TRAPPC9: variants seen among roughly 807,000 people sequenced by gnomAD.
TRAPPC9 encodes the protein trafficking protein particle complex subunit 9.
Under a neutral mutation model 124.0 loss-of-function variants are expected in TRAPPC9, and 83 were observed. That is an observed-to-expected ratio of 0.67 (90% confidence interval 0.56 to 0.80). TRAPPC9 has a LOEUF of 0.80. Ranked by LOEUF, TRAPPC9 falls within the 30% of genes least tolerant of loss-of-function variation. The pLI is 0.00. For synonymous variants in TRAPPC9, 638 were observed against 617.5 expected, an observed-to-expected ratio of 1.03 and a Z score of -0.49; for missense variants, 1,302 against 1,508.3, an observed-to-expected ratio of 0.86 and a Z score of 2.27.
At chr8:139,733,450 G>T (rs1298419879) in intron 21 of TRAPPC9, among the ~76,000 whole-genome samples, 1 of 152,210 alleles carries the variant, frequency 6.6e-6, no homozygotes, top group African/African-American at 2.4e-5. Context: ...AAGATGTGGG[G>T]TGGGGGGCCC....
At chr8:140,438,156 C>A (rs567749287) in intron 3 of TRAPPC9, among the ~76,000 whole-genome samples, 2 of 152,150 alleles carry the variant, frequency 1.3e-5, no homozygotes, top group African/African-American at 4.8e-5. Context: ...TTAACTGTCA[C>A]TTCCCATTCC....
chr8:140,125,514 G>A (rs1216334220), intron 17 of TRAPPC9, among the ~76,000 whole-genome samples: 1 of 152,070 alleles, frequency 6.6e-6, no homozygotes, highest in East Asian at 1.9e-4. Flanking sequence ...GCAGCAAGGG[G>A]AAGGTGTGCA....
At chr8:140,127,743 T>A (rs867750756) in intron 17 of TRAPPC9, among the ~76,000 whole-genome samples, 4 of 152,254 alleles carry the variant, frequency 2.6e-5, no homozygotes, top group African/African-American at 9.6e-5. Flanking sequence ...AGGAAATAGC[T>A]ACCATATCCA....
chr8:140,261,073 G>A (rs531051224), intron 15 of TRAPPC9, among the ~76,000 whole-genome samples: 7 of 152,328 alleles, frequency 4.6e-5, no homozygotes, highest in Admixed American at 2.6e-4. Flanking sequence ...AAGACGCCCT[G>A]TCAGTACATG....
At chr8:140,302,200 T>C (rs1192866824) in intron 10 of TRAPPC9, among the ~76,000 whole-genome samples, 1 of 152,142 alleles carries the variant, frequency 6.6e-6, no homozygotes, top group Non-Finnish European at 1.5e-5. Flanking sequence ...CCGGGGAGCC[T>C]GCCACATGCG....
intron 19 of TRAPPC9, among the ~76,000 whole-genome samples, chr8:139,948,266 CACACACACA>C (rs1834401151): frequency 6.8e-6 from 1 of 147,044 alleles, no homozygotes; most frequent in African/African-American, 2.4e-5. Context: ...CACACACACA[CACACACACA>C]CACACACACA....
chr8:139,731,333 G>A, intron 22 of TRAPPC9, 105 bp from the exon 23 acceptor site: 1 of 1,380,838 alleles, frequency 7.2e-7, no homozygotes, highest in Non-Finnish European at 1.0e-6. Flanking sequence ...TATGGGGGAA[G>A]CGAGGGCCGC....
At chr8:139,942,936 T>C (rs994072509) in intron 19 of TRAPPC9, among the ~76,000 whole-genome samples, 2 of 152,180 alleles carry the variant, frequency 1.3e-5, no homozygotes, top group African/African-American at 2.4e-5. Context: ...GAGTCCAGAA[T>C]GTTGTACATA....
intron 17 of TRAPPC9, among the ~76,000 whole-genome samples, chr8:140,217,030 G>C (rs571786701): frequency 6.6e-6 from 1 of 152,132 alleles, no homozygotes; most frequent in South Asian, 2.1e-4. Flanking sequence ...CCCCCAACTC[G>C]AGGGCTCCTA....
chr8:139,814,331 CAG>C (rs1264645297), intron 21 of TRAPPC9, among the ~76,000 whole-genome samples: 1 of 152,200 alleles, frequency 6.6e-6, no homozygotes, highest in Non-Finnish European at 1.5e-5. Context: ...AAGCCAAAAA[CAG>C]TCACCGTCGC....
At chr8:140,269,713 T>C (rs1464147986) in intron 15 of TRAPPC9, among the ~76,000 whole-genome samples, 1 of 152,208 alleles carries the variant, frequency 6.6e-6, no homozygotes, top group Admixed American at 6.5e-5. Context: ...CTTTCAACTC[T>C]TCTGCATGGT....
At chr8:140,457,547 C>G in intron 1 of TRAPPC9, 92 bp downstream of exon 1, 3 of 950,920 alleles carry the variant, frequency 3.2e-6, no homozygotes, top group Non-Finnish European at 3.8e-6. Flanking sequence ...CGAGCCCCTC[C>G]GCGGGACGCG....
chr8:139,773,067 G>A (rs953036859), intron 21 of TRAPPC9, among the ~76,000 whole-genome samples: 5 of 152,230 alleles, frequency 3.3e-5, no homozygotes, highest in African/African-American at 1.2e-4. Context: ...CACAGTTTGT[G>A]CCCTGGGCCA....
chr8:140,293,197 T>C (rs1215290463), intron 11 of TRAPPC9, among the ~76,000 whole-genome samples: 8 of 148,852 alleles, frequency 5.4e-5, no homozygotes, highest in Admixed American at 1.3e-4. Context: ...ATGGCGATCA[T>C]TAAAAAGTCA....
intron 19 of TRAPPC9, among the ~76,000 whole-genome samples, chr8:139,964,334 G>A (rs1835556095): frequency 6.6e-6 from 1 of 151,982 alleles, no homozygotes; most frequent in Non-Finnish European, 1.5e-5. Context: ...ACTGACAGAT[G>A]GATGGTGGTC....
chr8:140,290,960 G>A, intron 12 of TRAPPC9, 33 bp downstream of exon 12: 1 of 1,576,428 alleles, frequency 6.3e-7, no homozygotes, highest in Non-Finnish European at 8.7e-7. Context: ...TTGTATGTTA[G>A]CCCAAAAAGG....
rs776155126 is a variant in TRAPPC9, at chr8:140,033,658, G to GT, written c.2557-9580dup. ...TTGAAATGCAACTCTTCATAATGTG[G>GT]TTTTTTTTTTTTTTTTTTTTTTTTT... On this transcript the variant is annotated intron_variant, in intron 17 of 22. Transcript: ENST00000438773. Among the ~76,000 whole-genome samples the GT allele has an allele frequency of 1.2e-3, 49 of 42,396 alleles. 9 individuals carry two copies. Among genetic ancestry groups the GT allele is most frequent in the Non-Finnish European group, 2.1e-3 (38 of 18,110 alleles). The allele number at this position is 42,396 out of a possible 152,430, so 27.8% of individuals were successfully genotyped here.
chr8:140,165,972 G>A (rs1414764240), intron 17 of TRAPPC9, among the ~76,000 whole-genome samples: 1 of 152,068 alleles, frequency 6.6e-6, no homozygotes, highest in Admixed American at 6.5e-5. Flanking sequence ...TGCCTCCCTC[G>A]ATGTCTGGAG....
chr8:140,255,003 G>C (rs1282813958), intron 15 of TRAPPC9, among the ~76,000 whole-genome samples: 2 of 152,204 alleles, frequency 1.3e-5, no homozygotes, highest in East Asian at 3.8e-4. Context: ...TCCAGAACAC[G>C]AGGACAAACT....
Sources: allele counts gnomAD v4.1 joint callset (sites outside exome capture counted in the v4.1 genomes callset), GRCh38; gene constraint gnomAD v4.1.1; transcripts MANE v1.5; gene names NCBI Gene and HGNC (gene_info 2026-07-23, HGNC 2026-07-21).